TLK2: variants seen among roughly 807,000 people sequenced by gnomAD.
TLK2 encodes the protein serine/threonine-protein kinase tousled-like 2.
In TLK2, 6 loss-of-function variants were observed where a neutral mutation model predicts 117.3. The observed-to-expected ratio is 0.05, with a 90% confidence interval of 0.03 to 0.10. The LOEUF (loss-of-function observed/expected upper bound fraction) is 0.10. Ranked by LOEUF, TLK2 falls within the 10% of genes least tolerant of loss-of-function variation. The probability of loss-of-function intolerance (pLI) is 1.00; values close to 1 mark genes in which losing one functional copy is unlikely to be tolerated. For synonymous variants in TLK2, 257 were observed against 316.7 expected, an observed-to-expected ratio of 0.81 and a Z score of 2.00; for missense variants, 299 against 901.2, an observed-to-expected ratio of 0.33 and a Z score of 8.56.
chr17:62,601,227 A>G (rs1355650949), intron 18 of TLK2, among the ~76,000 whole-genome samples: 1 of 152,170 alleles, frequency 6.6e-6, no homozygotes, highest in Non-Finnish European at 1.5e-5. Context: ...ATAAATTTCA[A>G]GCAGAATTTT....
At chr17:62,561,598 A>T (rs568462403) in intron 10 of TLK2, among the ~76,000 whole-genome samples, 87 of 152,274 alleles carry the variant, frequency 5.7e-4, no homozygotes, top group African/African-American at 2.1e-3. Context: ...CTGGAGATTT[A>T]TTTTCCTGAA....
chr17:62,517,625 G>T (rs1320447505), intron 2 of TLK2, among the ~76,000 whole-genome samples: 1 of 151,870 alleles, frequency 6.6e-6, no homozygotes, highest in East Asian at 2.0e-4. Context: ...ATTGTGATCC[G>T]CCCGCCTCGG....
At chr17:62,603,865 T>A (rs1385683862) in intron 19 of TLK2, among the ~76,000 whole-genome samples, 1 of 152,164 alleles carries the variant, frequency 6.6e-6, no homozygotes, top group Non-Finnish European at 1.5e-5. Context: ...ACTGTCATAA[T>A]CACTATCTTC....
intron 16 of TLK2, among the ~76,000 whole-genome samples, chr17:62,589,400 G>A (rs2081904353): frequency 6.6e-6 from 1 of 152,172 alleles, no homozygotes; most frequent in South Asian, 2.1e-4. Context: ...TTATAAGAGA[G>A]TAAAAGACAT....
intron 2 of TLK2, among the ~76,000 whole-genome samples, chr17:62,490,384 G>A (rs1308788170): frequency 6.6e-6 from 1 of 152,116 alleles, no homozygotes. Flanking sequence ...TTTTATAAGA[G>A]CTGAGTCACT....
At chr17:62,489,641 C>G (rs12951466) in intron 2 of TLK2, among the ~76,000 whole-genome samples, 1 of 151,896 alleles carries the variant, frequency 6.6e-6, no homozygotes, top group Non-Finnish European at 1.5e-5. Flanking sequence ...CCATGCCCAG[C>G]CTGTATATTT....
At chr17:62,487,427 G>A (rs1360649755) in intron 2 of TLK2, among the ~76,000 whole-genome samples, 5 of 151,268 alleles carry the variant, frequency 3.3e-5, no homozygotes, top group Non-Finnish European at 7.4e-5. Flanking sequence ...GCTGAGGCAG[G>A]AGAATTGCTT....
chr17:62,506,492 C>T (rs1173529850), intron 2 of TLK2, among the ~76,000 whole-genome samples: 1 of 152,174 alleles, frequency 6.6e-6, no homozygotes, highest in East Asian at 1.9e-4. Context: ...ACAGTTTCTG[C>T]TGGAGATGGC....
Position 62,535,365 on chromosome 17 carries a change from C to T in TLK2, c.364-805C>T, listed in dbSNP as rs554926115. On this transcript the variant is annotated intron_variant, in intron 6 of 21. Transcript: ENST00000346027. ...TTATGCGTAATTGTGATGTATTATC[C>T]TTTTAGTATACTGTGGAACTTGTTT... Among the ~76,000 whole-genome samples, 234 of 152,166 alleles carry T rather than the reference C, an allele frequency of 1.5e-3. 1 individual carries two copies. Among genetic ancestry groups the T allele is most frequent in the Non-Finnish European group, 2.7e-3 (185 of 67,988 alleles).
At chr17:62,480,782 T>C (rs532267529) in intron 1 of TLK2, among the ~76,000 whole-genome samples, 1 of 152,360 alleles carries the variant, frequency 6.6e-6, no homozygotes, top group African/African-American at 2.4e-5. Flanking sequence ...AATTTTCTTT[T>C]TGCAGGCTAG....
chr17:62,553,521 C>T (rs1366227267), intron 8 of TLK2, 142 bp from the exon 9 acceptor site: 5 of 646,060 alleles, frequency 7.7e-6, no homozygotes, highest in East Asian at 2.8e-5. Context: ...AAGCAGATTT[C>T]ATTTCTTAAG....
chr17:62,535,683 C>T (rs1459808708), intron 6 of TLK2, among the ~76,000 whole-genome samples: 2 of 151,786 alleles, frequency 1.3e-5, no homozygotes, highest in South Asian at 2.1e-4. Flanking sequence ...ACAGGAGAAT[C>T]GCTTGAACCC....
At chr17:62,471,681 C>T (rs1053967748) in intron 1 of TLK2, among the ~76,000 whole-genome samples, 12 of 142,702 alleles carry the variant, frequency 8.4e-5, no homozygotes, top group South Asian at 4.5e-4. Context: ...CGGCTCGGCC[C>T]GGCTCCTCTG....
At chr17:62,489,224 A>G (rs1310312346) in intron 2 of TLK2, among the ~76,000 whole-genome samples, 2 of 142,308 alleles carry the variant, frequency 1.4e-5, no homozygotes, top group African/African-American at 5.2e-5. Context: ...TTTTTGAGAC[A>G]TGGTCTCACT....
In TLK2 at chr17:62,520,815, G is replaced by A. The variant is rs913000214; in HGVS notation, c.124G>A (p.Val42Ile). ...GTCTTCCAACCAGAGCTTGTGCAGCGTCGGATCCTTGAGTGATAAAGAAGT... is the reference window on the plus strand; with the variant it reads ...GTCTTCCAACCAGAGCTTGTGCAGCATCGGATCCTTGAGTGATAAAGAAGT... ...SESSNQSLCS[V>I]GSLSDKEVET... The change falls in exon 3 of 22, where the codon GTC becomes ATC. Residue 42 changes from valine to isoleucine, a missense_variant. Coordinates refer to ENST00000346027, the MANE Select transcript of TLK2 (RefSeq NM_006852.6). 7 of 1,613,002 alleles carry A rather than the reference G, an allele frequency of 4.3e-6. No homozygotes were observed. Among genetic ancestry groups the A allele is most frequent in the African/African-American group, 1.3e-5 (1 of 74,766 alleles).
chr17:62,523,752 G>T (rs1027066110), intron 5 of TLK2, among the ~76,000 whole-genome samples: 4 of 152,082 alleles, frequency 2.6e-5, no homozygotes, highest in Admixed American at 2.6e-4. Flanking sequence ...ATTCACAAAT[G>T]AGGTGATTTT....
intron 6 of TLK2, among the ~76,000 whole-genome samples, chr17:62,534,026 C>T (rs1218580430): frequency 6.6e-6 from 1 of 152,068 alleles, no homozygotes; most frequent in East Asian, 1.9e-4. Context: ...ATTCTGTATT[C>T]TGTGCCACTG....
chr17:62,488,065 G>A (rs1180767173), intron 2 of TLK2, among the ~76,000 whole-genome samples: 16 of 151,836 alleles, frequency 1.1e-4, no homozygotes, highest in Non-Finnish European at 1.5e-4. Flanking sequence ...TCAGCCTCCC[G>A]AGTGGCTGGG....
intron 12 of TLK2, among the ~76,000 whole-genome samples, chr17:62,575,325 C>T (rs1422979724): frequency 2.0e-5 from 3 of 152,170 alleles, no homozygotes; most frequent in Non-Finnish European, 2.9e-5. Flanking sequence ...TTCTTGGCCC[C>T]GAACCTGTTT....
Sources: gnomAD v4.1 joint callset for allele counts (sites outside exome capture counted in the v4.1 genomes callset) on GRCh38, gnomAD v4.1.1 for gene constraint, MANE v1.5 for transcripts, NCBI Gene and HGNC (gene_info 2026-07-23, HGNC 2026-07-21) for gene names.